NUBPL: variants seen among roughly 807,000 people sequenced by gnomAD.
NUBPL encodes NUBP iron-sulfur cluster assembly factor, mitochondrial, also known as iron-sulfur cluster transfer protein NUBPL.
NUBPL carries 31 observed loss-of-function variants against 45.7 expected under a neutral mutation model. That is an observed-to-expected ratio of 0.68 (90% confidence interval 0.51 to 0.92). The LOEUF (loss-of-function observed/expected upper bound fraction) is 0.92. NUBPL is among the 40% of genes least tolerant of loss of function. NUBPL has a pLI of 0.00. For missense variants in NUBPL, 401 were observed against 398.7 expected (o/e 1.01, Z -0.05); for synonymous variants, 144 against 140.9 (o/e 1.02, Z -0.15).
chr14:31,725,715 T>TTC (rs2037906945), intron 6 of NUBPL, among the ~76,000 whole-genome samples: 1 of 145,940 alleles, frequency 6.9e-6, no homozygotes, highest in Admixed American at 6.9e-5. Context: ...TCAGCTTTTT[T>TTC]TTTTTTTTTT....
intron 4 of NUBPL, among the ~76,000 whole-genome samples, chr14:31,666,497 T>G (rs909221211): frequency 6.6e-6 from 1 of 151,830 alleles, no homozygotes; most frequent in Admixed American, 6.6e-5. Context: ...ACTCATGACC[T>G]TGTGATCTGC....
intron 9 of NUBPL, among the ~76,000 whole-genome samples, chr14:31,847,340 C>T (rs1335398815): frequency 6.6e-6 from 1 of 152,154 alleles, no homozygotes; most frequent in Admixed American, 6.5e-5. Context: ...CTTTGTTAGT[C>T]TTTCTGCTTT....
At chr14:31,809,269 C>T (rs2039753173) in intron 7 of NUBPL, among the ~76,000 whole-genome samples, 1 of 152,084 alleles carries the variant, frequency 6.6e-6, no homozygotes, top group Non-Finnish European at 1.5e-5. Context: ...GGTTGGTAGG[C>T]TATTAATTAT....
At chr14:31,667,023 A>G (rs2036448475) in intron 4 of NUBPL, among the ~76,000 whole-genome samples, 1 of 151,888 alleles carries the variant, frequency 6.6e-6, no homozygotes, top group African/African-American at 2.4e-5. Context: ...TCTGATGATT[A>G]TGTGTCTTGG....
chr14:31,768,671 C>T (rs1239411189), intron 6 of NUBPL, among the ~76,000 whole-genome samples: 1 of 152,168 alleles, frequency 6.6e-6, no homozygotes, highest in Non-Finnish European at 1.5e-5. Flanking sequence ...GAGACTGAAA[C>T]CCTCACTCTT....
intron 4 of NUBPL, among the ~76,000 whole-genome samples, chr14:31,646,739 G>T (rs909836352): frequency 3.3e-5 from 5 of 151,996 alleles, no homozygotes; most frequent in Non-Finnish European, 5.9e-5. Context: ...CCTGAACATG[G>T]ATATTTATAT....
chr14:31,771,029 C>CT (rs2039000059), intron 6 of NUBPL, among the ~76,000 whole-genome samples: 2 of 152,084 alleles, frequency 1.3e-5, no homozygotes, highest in South Asian at 4.2e-4. Context: ...AGTATTATAT[C>CT]TTTTCTTAGT....
chr14:31,620,729 G>A (rs997934261), intron 4 of NUBPL, among the ~76,000 whole-genome samples: 2 of 152,170 alleles, frequency 1.3e-5, no homozygotes, highest in Non-Finnish European at 2.9e-5. Context: ...CCCCTACTGG[G>A]AGGTGTCTCC....
chr14:31,682,469 A>G (rs1029415793), intron 6 of NUBPL, among the ~76,000 whole-genome samples: 5 of 152,188 alleles, frequency 3.3e-5, no homozygotes, highest in Admixed American at 2.0e-4. Flanking sequence ...ATCCAGTTTG[A>G]TAATCTTTGC....
At chr14:31,763,711 C>T (rs552653890) in intron 6 of NUBPL, among the ~76,000 whole-genome samples, 50 of 152,220 alleles carry the variant, frequency 3.3e-4, no homozygotes, top group African/African-American at 1.2e-3. Flanking sequence ...ATTTTATTTG[C>T]TCATTCATAA....
intron 4 of NUBPL, among the ~76,000 whole-genome samples, chr14:31,630,930 T>C (rs777806471): frequency 1.3e-5 from 2 of 152,184 alleles, no homozygotes; most frequent in Non-Finnish European, 2.9e-5. Context: ...TCTGCAGTTG[T>C]GGGGAGTTCT....
chr14:31,833,223 G>T (rs12434452), intron 8 of NUBPL, among the ~76,000 whole-genome samples: 45,863 of 151,814 alleles, frequency 0.3, 7,870 homozygotes, highest in South Asian at 0.42. Flanking sequence ...TAAAAAATTA[G>T]CCAAGTATGG....
chr14:31,828,063 G>A (rs2040133581), intron 8 of NUBPL, among the ~76,000 whole-genome samples: 1 of 152,210 alleles, frequency 6.6e-6, no homozygotes, highest in Non-Finnish European at 1.5e-5. Flanking sequence ...TACCTTCCAG[G>A]TGGTCCAAGG....
At chr14:31,740,930 C>T (rs931799864) in intron 6 of NUBPL, among the ~76,000 whole-genome samples, 3 of 152,140 alleles carry the variant, frequency 2.0e-5, no homozygotes, top group Non-Finnish European at 2.9e-5. Flanking sequence ...TTGTTTATTT[C>T]TATTGAAGCG....
chr14:31,653,466 G>A lies in NUBPL; in HGVS notation c.383-19889G>A, dbSNP rs541130322. Among the ~76,000 whole-genome samples, 5 of 152,246 alleles carry A rather than the reference G, an allele frequency of 3.3e-5. No individual in the cohort carries two copies. The South Asian group carries it at 1.0e-3, about 32-fold the overall frequency. ...TATTCCTTGCTAGGAAAAGAATTTA[G>A]CGATATCTCTCCTACTTGCAGGTCT... On this transcript the variant is annotated intron_variant, in intron 4 of 10. Transcript: ENST00000281081.
chr14:31,567,693 A>G (rs2033473379), intron 3 of NUBPL, among the ~76,000 whole-genome samples: 1 of 152,186 alleles, frequency 6.6e-6, no homozygotes, highest in African/African-American at 2.4e-5. Context: ...CGAGGATGCT[A>G]ATTGAAATTA....
At chr14:31,633,968 G>C (rs912415012) in intron 4 of NUBPL, among the ~76,000 whole-genome samples, 2 of 151,980 alleles carry the variant, frequency 1.3e-5, no homozygotes, top group African/African-American at 4.8e-5. Context: ...AGGTTTGAAC[G>C]TTGTGTCCAG....
intron 8 of NUBPL, among the ~76,000 whole-genome samples, chr14:31,828,738 A>G (rs1270470627): frequency 6.6e-6 from 1 of 152,176 alleles, no homozygotes; most frequent in Non-Finnish European, 1.5e-5. Context: ...CAAATTCAGC[A>G]TATATTATTT....
chr14:31,807,496 A>G (rs2039712801), intron 7 of NUBPL, among the ~76,000 whole-genome samples: 1 of 151,902 alleles, frequency 6.6e-6, no homozygotes, highest in Non-Finnish European at 1.5e-5. Flanking sequence ...AAATTGGCTT[A>G]CGTTCTTTGT....
Sources: allele counts gnomAD v4.1 joint callset (sites outside exome capture counted in the v4.1 genomes callset), GRCh38; gene constraint gnomAD v4.1.1; transcripts MANE v1.5; gene names NCBI Gene and HGNC (gene_info 2026-07-23, HGNC 2026-07-21).